Variants in CHD6 observed in about 807,000 individuals in gnomAD.
CHD6 encodes chromodomain helicase DNA binding protein 6, also known as ATP-dependent chromatin remodeler CHD6.
Under a neutral mutation model 276.9 loss-of-function variants are expected in CHD6, and 50 were observed. The ratio of observed to expected loss-of-function variants is 0.18; its 90% confidence interval spans 0.14 to 0.23. The LOEUF (loss-of-function observed/expected upper bound fraction) is 0.23, where lower values mean the gene tolerates loss of function less well. Among genes scored for constraint, CHD6 ranks in the 10% least tolerant of loss-of-function variants. The probability of loss-of-function intolerance (pLI) is 1.00; values close to 1 mark genes in which losing one functional copy is unlikely to be tolerated. For synonymous variants in CHD6, 1,173 were observed against 1,229.3 expected (o/e 0.95, Z 0.96); for missense variants, 2,564 against 3,365.8 (o/e 0.76, Z 5.89).
At chr20:41,542,050 T>C (rs1380807608) in intron 2 of CHD6, among the ~76,000 whole-genome samples, 1 of 152,206 alleles carries the variant, frequency 6.6e-6, no homozygotes, top group Non-Finnish European at 1.5e-5. Flanking sequence ...TAATAATAAG[T>C]GCCTGTGTTG....
rs950858253 is a variant in CHD6 at position 41,497,399 on chromosome 20, C to T, written c.1077G>A (p.Lys359=). The part of the protein sequence containing the change: ...KRFRNKQAQM[K]HIFTEPDEDL... The stretch of plus-strand genomic sequence containing the variant: ...ATTGCTTCACCTCCGTAAAAATGTG[C>T]TTCATCTGGGCTTGTTTATTCCTAA... Residue 359 remains lysine, a synonymous_variant, in exon 8 of 37, where the codon AAG becomes AAA. Transcript: ENST00000373233. The T allele has an allele frequency of 6.2e-7, 1 of 1,611,622 alleles. No individual in the cohort carries two copies. Among genetic ancestry groups the T allele is most frequent in the East Asian group, 2.2e-5 (1 of 44,828 alleles).
At chr20:41,526,849 C>A (rs1246499934) in intron 3 of CHD6, among the ~76,000 whole-genome samples, 1 of 152,210 alleles carries the variant, frequency 6.6e-6, no homozygotes, top group African/African-American at 2.4e-5. Flanking sequence ...ATCAGCCACA[C>A]TCTAATTACC....
At chr20:41,594,127 T>G (rs1385837119) in intron 1 of CHD6, among the ~76,000 whole-genome samples, 1 of 152,248 alleles carries the variant, frequency 6.6e-6, no homozygotes, top group South Asian at 2.1e-4. Flanking sequence ...ATAATAAGCA[T>G]CCCTATAGTT....
intron 36 of CHD6, 68 bp from the exon 37 acceptor site, chr20:41,405,557 A>G: frequency 7.9e-7 from 1 of 1,272,418 alleles, no homozygotes; most frequent in Non-Finnish European, 1.1e-6. Context: ...GAGGGTGATG[A>G]CCAGGGCTCT....
In CHD6 at chr20:41,452,931, C is replaced by T. The variant is rs1424780212; in HGVS notation, c.3132G>A (p.Val1044=). ...TEAKNEKESL[V]IDRPRVRKQT... ...GCTTTCTCACGCGAGGTCGGTCGAT[C>T]ACTAAGCTTTCCTAGAAATGGAGAG... Residue 1044 remains valine (V), a synonymous_variant, in exon 21 of 37, where the codon GTG becomes GTA. Transcript: ENST00000373233. The surrounding 1 kb of genome is among the most constrained non-coding windows in gnomAD (Gnocchi z 4.2). 2 of 1,613,610 alleles carry T rather than the reference C, an allele frequency of 1.2e-6. No homozygotes were observed. The highest frequency in any genetic ancestry group is 1.7e-6 in the Non-Finnish European group (2 of 1,179,866).
At chr20:41,530,194 C>T (rs961699901) in intron 3 of CHD6, among the ~76,000 whole-genome samples, 5 of 152,164 alleles carry the variant, frequency 3.3e-5, no homozygotes, top group Admixed American at 6.5e-5. Flanking sequence ...AGCTGATAAA[C>T]GAATGCCCAT....
chr20:41,524,367 CCT>C (rs2044476508), intron 3 of CHD6, among the ~76,000 whole-genome samples: 2 of 152,012 alleles, frequency 1.3e-5, no homozygotes, highest in African/African-American at 4.8e-5. Context: ...CTAAATCTGC[CCT>C]GTCAGTCCCT....
At chr20:41,575,938 C>T (rs1265955090) in intron 1 of CHD6, among the ~76,000 whole-genome samples, 16 of 152,040 alleles carry the variant, frequency 1.1e-4, no homozygotes, top group Admixed American at 9.8e-4. Context: ...CCTAAAACTA[C>T]ATACCATGAA....
At chr20:41,474,257 A>G (rs1346541544) in intron 16 of CHD6, among the ~76,000 whole-genome samples, 1 of 152,202 alleles carries the variant, frequency 6.6e-6, no homozygotes, top group Non-Finnish European at 1.5e-5. Context: ...GAAAATCAAG[A>G]AACAGGGGTG....
chr20:41,481,112 G>GAA (rs377588953), intron 16 of CHD6, among the ~76,000 whole-genome samples: 12 of 147,512 alleles, frequency 8.1e-5, no homozygotes, highest in African/African-American at 2.7e-4. Context: ...CTCAGAAAAA[G>GAA]AAAAAAAAAT....
chr20:41,602,461 A>C (rs774334381), intron 1 of CHD6, among the ~76,000 whole-genome samples: 9 of 152,298 alleles, frequency 5.9e-5, no homozygotes, highest in African/African-American at 1.9e-4. Context: ...TAAAACTGCC[A>C]GTTTGCTCAA....
chr20:41,448,064 T>C (rs2048124339), intron 23 of CHD6, 93 bp from the exon 24 acceptor site: 1 of 646,928 alleles, frequency 1.5e-6, no homozygotes, highest in African/African-American at 1.9e-5. Flanking sequence ...ATTCTGGGCA[T>C]TCCCATGTAG....
chr20:41,557,127 A>C (rs890371911), intron 1 of CHD6, among the ~76,000 whole-genome samples: 13 of 152,238 alleles, frequency 8.5e-5, no homozygotes, highest in Non-Finnish European at 4.4e-5. Flanking sequence ...CCGTGTGGGC[A>C]AACCAGAAAA....
intron 36 of CHD6, among the ~76,000 whole-genome samples, chr20:41,407,630 G>C (rs774545678): frequency 6.6e-6 from 1 of 152,204 alleles, no homozygotes; most frequent in African/African-American, 2.4e-5. Context: ...TTTATTTAAG[G>C]GGCAGCTGTA....
At chr20:41,411,641 G>A (rs1244226946) in intron 36 of CHD6, among the ~76,000 whole-genome samples, 1 of 152,178 alleles carries the variant, frequency 6.6e-6, no homozygotes, top group African/African-American at 2.4e-5. Flanking sequence ...TATACTAGAA[G>A]TATTCTGCAG....
Position 41,403,476 on chromosome 20 carries a change from T to G in CHD6, c.*1117A>C. 1 of 1,062,238 alleles carries G rather than the reference T, an allele frequency of 9.4e-7. No individual in the cohort carries two copies. The highest frequency in any genetic ancestry group is 1.1e-6 in the Non-Finnish European group (1 of 877,448). 65.8% of individuals were successfully genotyped at this position (1,062,238 alleles called of 1,614,324 possible). A position where few individuals can be genotyped will look rare whatever the true frequency, so the allele number is the denominator to read the frequency against. ...AATGTAGTTTCGATTAACTGATAAT[T>G]TGGAATTTGGGTCCAACTGTAAGAT... On this transcript the variant is annotated 3_prime_UTR_variant, in exon 37 of 37. Transcript: ENST00000373233.
At chr20:41,520,749 A>T (rs1481829334) in intron 3 of CHD6, among the ~76,000 whole-genome samples, 1 of 152,060 alleles carries the variant, frequency 6.6e-6, no homozygotes, top group Non-Finnish European at 1.5e-5. Context: ...GCAGCACACC[A>T]ACATGGCACA....
intron 27 of CHD6, among the ~76,000 whole-genome samples, chr20:41,435,729 C>T (rs6124346): frequency 0.08 from 12,239 of 152,062 alleles, 951 homozygotes; most frequent in East Asian, 0.31. Context: ...CTATCAAAAT[C>T]CCAGCAACAG....
chr20:41,453,231 C>CT (rs2048293571), intron 20 of CHD6, among the ~76,000 whole-genome samples: 1 of 152,096 alleles, frequency 6.6e-6, no homozygotes, highest in East Asian at 1.9e-4. Context: ...AGGCCCCCCC[C>CT]CAGTGACCAA....
Sources: gnomAD v4.1 joint callset for allele counts (sites outside exome capture counted in the v4.1 genomes callset) on GRCh38, gnomAD v4.1.1 for gene constraint, Gnocchi (gnomAD v3.1) non-coding constraint, MANE v1.5 for transcripts, NCBI Gene and HGNC (gene_info 2026-07-23, HGNC 2026-07-21) for gene names.